Variants in SLC16A1 observed in about 807,000 individuals in gnomAD.
SLC16A1 encodes solute carrier family 16 member 1.
Under a neutral mutation model 32.2 loss-of-function variants are expected in SLC16A1, and 11 were observed. The observed-to-expected ratio is 0.34, with a 90% confidence interval of 0.21 to 0.56. The LOEUF (loss-of-function observed/expected upper bound fraction) is 0.56, where lower values mean the gene tolerates loss of function less well. Ranked by LOEUF, SLC16A1 falls within the 20% of genes least tolerant of loss-of-function variation. The pLI, the probability that SLC16A1 is intolerant of heterozygous loss-of-function variation, is 0.87. For synonymous variants in SLC16A1, 231 were observed against 226.8 expected (o/e 1.02, Z -0.17); for missense variants, 435 against 615.0 (o/e 0.71, Z 3.10).
chr1:112,952,815 T>C (rs1649944252), intron 1 of SLC16A1, among the ~76,000 whole-genome samples: 1 of 152,214 alleles, frequency 6.6e-6, no homozygotes, highest in African/African-American at 2.4e-5. Flanking sequence ...TCTCCAAGCC[T>C]TACAAGCTGA....
At chr1:112,914,281 C>T in intron 4 of SLC16A1, 116 bp from the exon 5 acceptor site, 1 of 1,084,544 alleles carries the variant, frequency 9.2e-7, no homozygotes, top group Non-Finnish European at 1.4e-6. Flanking sequence ...TAAAGAGTCC[C>T]AAAATGATGA....
At chr1:112,930,119 G>C (rs946195380) in intron 1 of SLC16A1, among the ~76,000 whole-genome samples, 1 of 152,148 alleles carries the variant, frequency 6.6e-6, no homozygotes, top group Non-Finnish European at 1.5e-5. Context: ...CCAAGGAGAG[G>C]GGTAGTGGTA....
intron 3 of SLC16A1, among the ~76,000 whole-genome samples, chr1:112,921,422 A>G (rs1485918012): frequency 1.3e-5 from 2 of 152,222 alleles, no homozygotes; most frequent in Non-Finnish European, 2.9e-5. Context: ...CTTAATACTG[A>G]CAAAAATCTG....
Position 112,948,956 on chromosome 1 carries a change from G to A in SLC16A1, c.-45+7079C>T, listed in dbSNP as rs181116119. 3.2e-4 allele frequency among the ~76,000 whole-genome samples: 49 copies of A among 151,482 alleles called. No individual in the cohort carries two copies. The East Asian group carries it at 8.6e-3, about 26-fold the overall frequency. ...CGCCTTTCTCCCGCCTCAGCCTCCC[G>A]AGTAGCTGGGACTACAGGCGCCCAC... On this transcript the variant is annotated intron_variant, in intron 1 of 4. Transcript: ENST00000369626.
chr1:112,923,624 G>T (rs1349670217), intron 2 of SLC16A1: 5 of 1,429,338 alleles, frequency 3.5e-6, no homozygotes, highest in South Asian at 1.1e-5. Flanking sequence ...ACAGTCTCCG[G>T]TTCCAGCTGG....
rs1649529360 is a variant in SLC16A1, at chr1:112,942,012, C to T, written c.-44-12660G>A. Among the ~76,000 whole-genome samples, 4 of 152,152 alleles carry T rather than the reference C, an allele frequency of 2.6e-5. No homozygotes were observed. In the South Asian group the frequency reaches 8.3e-4, roughly 32 times the overall value. On this transcript the variant is annotated intron_variant, in intron 1 of 4. Coordinates refer to ENST00000369626, the MANE Select transcript of SLC16A1 (RefSeq NM_003051.4). ...TGAGATGGAGTTTCACTCTTGGTTG[C>T]CCAGGCTAGAGTACAATGGTGCGAT...
Position 112,917,730 on chromosome 1 carries a change from G to C in SLC16A1, c.676C>G (p.Leu226Val), listed in dbSNP as rs760764783. 6.2e-7 allele frequency: 1 copy of C among 1,614,078 alleles called. No individual in the cohort carries two copies. The change falls in exon 4 of 5, where the codon CTG (leucine) becomes GTG (valine). Residue 226 changes from leucine to valine, a missense_variant. By Grantham distance (32) the Leu-to-Val change is conservative. Transcript: ENST00000369626. The surrounding 1 kb of genome is among the most constrained non-coding windows in gnomAD (Gnocchi z 4.1). ...ATAAGATCTGTATTTGCATCATGCAGATCTTTTTTCACACCAGATTTTCCA... is the reference window on the plus strand; with the variant it reads ...ATAAGATCTGTATTTGCATCATGCACATCTTTTTTCACACCAGATTTTCCA... ...KAGKSGVKKD[L>V]HDANTDLIGR...
rs115457702 is a variant in SLC16A1 at position 112,945,084 on chromosome 1, C to T, written c.-45+10951G>A. 8.5e-3 allele frequency among the ~76,000 whole-genome samples: 1,286 copies of T among 151,298 alleles called. 9 individuals carry two copies. Among genetic ancestry groups the T allele is most frequent in the Middle Eastern group, 0.028 (8 of 290 alleles). On this transcript the variant is annotated intron_variant, in intron 1 of 4. Coordinates refer to ENST00000369626, the MANE Select transcript of SLC16A1 (RefSeq NM_003051.4). ...CGTGATCTCGGCTCATTGAAACCTC[C>T]ACCTCCCAAGTTCAAGCGAATCTCC...
At chr1:112,921,479 G>A (rs7519199) in intron 3 of SLC16A1, among the ~76,000 whole-genome samples, 4,409 of 152,148 alleles carry the variant, frequency 0.029, 213 homozygotes, top group African/African-American at 0.1. Context: ...CTCAAAAAAA[G>A]GTGTATCTGT....
At chr1:112,955,288 A>T (rs921698878) in intron 1 of SLC16A1, 7 of 152,308 alleles carry the variant, frequency 4.6e-5, no homozygotes, top group African/African-American at 1.7e-4. Context: ...GGAACAAAAA[A>T]CTTGCATCGG....
intron 1 of SLC16A1, among the ~76,000 whole-genome samples, chr1:112,954,164 T>C (rs1649996549): frequency 1.3e-5 from 2 of 152,212 alleles, no homozygotes; most frequent in African/African-American, 4.8e-5. Context: ...AAGACAGCTA[T>C]GTAGGCATTT....
chr1:112,929,463 C>T, intron 1 of SLC16A1, 111 bp from the exon 2 acceptor site: 1 of 687,186 alleles, frequency 1.5e-6, no homozygotes, highest in Non-Finnish European at 2.5e-6. Context: ...TTAGTAATCC[C>T]AGCTACTTGG....
rs187142019 is a variant in SLC16A1 at position 112,937,776 on chromosome 1, A to G, written c.-44-8424T>C. ...TTACAATATGCACAGTAGCTTTCCT[A>G]TCAGCTTAGCTATTACTGCCCAAGA... is the stretch of plus-strand genomic sequence containing the variant. On this transcript the variant is annotated intron_variant, in intron 1 of 4. Coordinates refer to ENST00000369626, the MANE Select transcript of SLC16A1 (RefSeq NM_003051.4). Among the ~76,000 whole-genome samples the G allele has an allele frequency of 7.9e-5, 12 of 152,318 alleles. No individual in the cohort carries two copies. The East Asian group carries it at 2.3e-3, about 29-fold the overall frequency.
intron 1 of SLC16A1, among the ~76,000 whole-genome samples, chr1:112,954,714 C>T (rs1161555638): frequency 1.3e-5 from 2 of 152,188 alleles, no homozygotes; most frequent in African/African-American, 2.4e-5. Flanking sequence ...TAACTGCAAT[C>T]TGATGAAACA....
chr1:112,952,829 GC>G (rs754981667), intron 1 of SLC16A1, among the ~76,000 whole-genome samples: 4 of 152,212 alleles, frequency 2.6e-5, no homozygotes, highest in Non-Finnish European at 5.9e-5. Flanking sequence ...AAGCTGAGCA[GC>G]CCTGGTCTAG....
rs1323129062 is a variant in SLC16A1, at chr1:112,917,527, A to G, written c.879T>C (p.Tyr293=). ...GAAGGAAGGCAGACTTCTCACTAGA[A>G]TAATGCTGACTCTTCCCATAACTAC... ...FLSSYGKSQH[Y]SSEKSAFLLS... is the part of the protein sequence containing the mutation. Residue 293 remains tyrosine (Y), a synonymous_variant, in exon 4 of 5, where the codon TAT becomes TAC. Transcript: ENST00000369626. This position sits in a 1 kb window ranked among gnomAD's most constrained non-coding sequence, Gnocchi z 4.1. 1.9e-6 allele frequency: 3 copies of G among 1,614,116 alleles called. No homozygotes were observed. The highest frequency in any genetic ancestry group is 8.5e-7 in the Non-Finnish European group (1 of 1,180,044).
chr1:112,923,657 G>A (rs1648822548), intron 2 of SLC16A1: 7 of 1,489,032 alleles, frequency 4.7e-6, no homozygotes, highest in African/African-American at 2.8e-5. Flanking sequence ...AGTGGCTGCA[G>A]TGTCCCCGAG....
chr1:112,954,594 G>C (rs190610258), intron 1 of SLC16A1, among the ~76,000 whole-genome samples: 89 of 152,168 alleles, frequency 5.8e-4, no homozygotes, highest in African/African-American at 2.1e-3. Context: ...ATCTGTTTAA[G>C]GACATTACAG....
chr1:112,946,622 C>T (rs545793984), intron 1 of SLC16A1, among the ~76,000 whole-genome samples: 3 of 152,316 alleles, frequency 2.0e-5, no homozygotes, highest in African/African-American at 4.8e-5. Context: ...GGCACTATCT[C>T]GGCTCACTGC....
Sources: allele counts gnomAD v4.1 joint callset (sites outside exome capture counted in the v4.1 genomes callset), GRCh38; gene constraint gnomAD v4.1.1; non-coding constraint Gnocchi (gnomAD v3.1); transcripts MANE v1.5; gene names NCBI Gene and HGNC (gene_info 2026-07-23, HGNC 2026-07-21).